VGLL3: variants seen among roughly 807,000 people sequenced by gnomAD.
VGLL3 encodes the protein transcription cofactor vestigial-like protein 3.
In VGLL3, 18 loss-of-function variants were observed where a neutral mutation model predicts 29.2. The ratio of observed to expected loss-of-function variants is 0.62; its 90% confidence interval spans 0.43 to 0.91. The LOEUF (loss-of-function observed/expected upper bound fraction) is 0.91, where lower values mean the gene tolerates loss of function less well. VGLL3 is among the 40% of genes least tolerant of loss of function. VGLL3 has a pLI of 0.00. For missense variants in VGLL3, 440 were observed against 413.2 expected, an observed-to-expected ratio of 1.06 and a Z score of -0.56; for synonymous variants, 180 against 151.8, an observed-to-expected ratio of 1.19 and a Z score of -1.36.
At chr3:86,982,901 T>C (rs1277692161) in intron 1 of VGLL3, among the ~76,000 whole-genome samples, 2 of 152,180 alleles carry the variant, frequency 1.3e-5, no homozygotes, top group Non-Finnish European at 2.9e-5. Context: ...GGGTTAATAG[T>C]TATAAAGTTA....
chr3:86,945,757 T>C lies in VGLL3; in HGVS notation c.*1267A>G, dbSNP rs1005345300. The C allele has an allele frequency of 1.3e-5, 2 of 152,166 alleles. No individual in the cohort carries two copies. The highest frequency in any genetic ancestry group is 4.8e-5 in the African/African-American group (2 of 41,458). The allele number at this position is 152,166 out of a possible 1,614,324, so 9.4% of individuals were successfully genotyped here. ...TCCTAATATACACTTTATTTTGCCC[T>C]AAATTTCTTTCTAAAAAGGAATTAA... On this transcript the variant is annotated 3_prime_UTR_variant, in exon 4 of 4. Coordinates refer to ENST00000398399, the MANE Select transcript of VGLL3 (RefSeq NM_016206.4).
chr3:86,948,031 T>C (rs1704541380), intron 3 of VGLL3, among the ~76,000 whole-genome samples: 1 of 152,150 alleles, frequency 6.6e-6, no homozygotes, highest in Admixed American at 6.5e-5. Flanking sequence ...ACGAGATACT[T>C]TGATGAACTT....
chr3:86,954,531 G>A (rs191367217), intron 3 of VGLL3, among the ~76,000 whole-genome samples: 1 of 152,172 alleles, frequency 6.6e-6, no homozygotes, highest in Non-Finnish European at 1.5e-5. Flanking sequence ...AGTACTTAAA[G>A]CATCAGGATA....
intron 1 of VGLL3, among the ~76,000 whole-genome samples, chr3:86,985,812 A>G (rs1705428166): frequency 6.6e-6 from 1 of 152,194 alleles, no homozygotes; most frequent in African/African-American, 2.4e-5. Context: ...CTAACATATT[A>G]TCTATTACAA....
intron 2 of VGLL3, among the ~76,000 whole-genome samples, chr3:86,969,843 C>T (rs1256462312): frequency 6.6e-6 from 1 of 151,904 alleles, no homozygotes; most frequent in African/African-American, 2.4e-5. Flanking sequence ...AGTTTCATTC[C>T]AGGCCTATGG....
At chr3:86,984,409 CA>C (rs1363381451) in intron 1 of VGLL3, among the ~76,000 whole-genome samples, 2 of 152,036 alleles carry the variant, frequency 1.3e-5, no homozygotes, top group African/African-American at 4.8e-5. Flanking sequence ...TTGACATTAT[CA>C]AAAAATCAAA....
intron 1 of VGLL3, among the ~76,000 whole-genome samples, chr3:86,980,192 A>G (rs1705295686): frequency 6.6e-6 from 1 of 151,878 alleles, no homozygotes; most frequent in African/African-American, 2.4e-5. Flanking sequence ...AAATAGATAA[A>G]TCACTCCAGA....
chr3:86,987,728 T>C (rs144046168), intron 1 of VGLL3, among the ~76,000 whole-genome samples: 11 of 152,320 alleles, frequency 7.2e-5, no homozygotes, highest in African/African-American at 2.6e-4. Flanking sequence ...CAATAAAATG[T>C]ATACTTTGCA....
rs1443007442 is a variant in VGLL3, at chr3:86,945,481, C to G, written c.*1543G>C. The G allele has an allele frequency of 6.6e-6, 1 of 152,104 alleles. No individual in the cohort carries two copies. Among genetic ancestry groups the G allele is most frequent in the African/African-American group, 2.4e-5 (1 of 41,428 alleles). The allele number at this position is 152,104 out of a possible 1,614,324, so 9.4% of individuals were successfully genotyped here. On this transcript the variant is annotated 3_prime_UTR_variant, in exon 4 of 4. Transcript: ENST00000398399. ...AAAGCTAAAAAACTTCTCTAATACACTAACTTTTTTACATGACATCTCTGG... is the reference window on the plus strand; with the variant it reads ...AAAGCTAAAAAACTTCTCTAATACAGTAACTTTTTTACATGACATCTCTGG...
chr3:86,949,830 A>G (rs1383168284), intron 3 of VGLL3, among the ~76,000 whole-genome samples: 1 of 150,940 alleles, frequency 6.6e-6, no homozygotes, highest in African/African-American at 2.4e-5. Flanking sequence ...CCATCTCAAA[A>G]AAAAAAAAAA....
At position 86,990,989 on chromosome 3, in the gene VGLL3, C is replaced by T. The variant is rs1327382990; in HGVS notation, c.-246G>A. 4.1e-6 allele frequency: 4 copies of T among 985,058 alleles called. No individual in the cohort carries two copies. The allele number at this position is 985,058 out of a possible 1,614,324, so 61.0% of individuals were successfully genotyped here. A position where few individuals can be genotyped will look rare whatever the true frequency, so the allele number is the denominator to read the frequency against. ...GCCCCTCCGGATGTTCCCTGCCGCGCTTATATAGCGGCTCAGGGACGCAGC... is the reference window on the plus strand; with the variant it reads ...GCCCCTCCGGATGTTCCCTGCCGCGTTTATATAGCGGCTCAGGGACGCAGC... On this transcript the variant is annotated 5_prime_UTR_variant, in exon 1 of 4. Coordinates refer to ENST00000398399, the MANE Select transcript of VGLL3 (RefSeq NM_016206.4).
At chr3:86,978,402 G>T in intron 2 of VGLL3, 124 bp downstream of exon 2, 2 of 1,125,540 alleles carry the variant, frequency 1.8e-6, no homozygotes, top group Non-Finnish European at 2.5e-6. Flanking sequence ...ATTCCTCACT[G>T]TCCTTAAATA....
At chr3:86,961,031 T>C (rs111645207) in intron 3 of VGLL3, among the ~76,000 whole-genome samples, 106 of 151,444 alleles carry the variant, frequency 7.0e-4, no homozygotes, top group African/African-American at 2.4e-3. Flanking sequence ...AAAAAGTATA[T>C]GAATACCTCA....
chr3:86,979,145 T>A (rs934822539), intron 1 of VGLL3, among the ~76,000 whole-genome samples: 1 of 152,240 alleles, frequency 6.6e-6, no homozygotes, highest in African/African-American at 2.4e-5. Context: ...ATTACTTTTT[T>A]AAAAAGTTTT....
intron 1 of VGLL3, among the ~76,000 whole-genome samples, chr3:86,980,550 C>T (rs1183481961): frequency 6.6e-6 from 1 of 152,008 alleles, no homozygotes; most frequent in Non-Finnish European, 1.5e-5. Flanking sequence ...TTTTATTTCT[C>T]ATAATCTACC....
At chr3:86,954,135 G>T (rs148112749) in intron 3 of VGLL3, among the ~76,000 whole-genome samples, 14 of 152,170 alleles carry the variant, frequency 9.2e-5, no homozygotes, top group Non-Finnish European at 1.9e-4. Context: ...TAGTAGTATT[G>T]TCAGAAACAA....
At chr3:86,969,265 G>T in intron 2 of VGLL3, 142 bp from the exon 3 acceptor site, 1 of 1,073,052 alleles carries the variant, frequency 9.3e-7, no homozygotes, top group Non-Finnish European at 1.3e-6. Context: ...CCCAAACAGG[G>T]GTGAATTGAT....
In VGLL3 at chr3:86,990,896, G is replaced by A. The variant is rs1705572442; in HGVS notation, c.-153C>T. The A allele has an allele frequency of 8.9e-7, 1 of 1,122,564 alleles. No individual in the cohort carries two copies. Among genetic ancestry groups the A allele is most frequent in the Non-Finnish European group, 1.1e-6 (1 of 912,764 alleles). 69.5% of individuals were successfully genotyped at this position (1,122,564 alleles called of 1,614,324 possible). A position where few individuals can be genotyped will look rare whatever the true frequency, so the allele number is the denominator to read the frequency against. Reference sequence around the variant, plus strand: ...CGGGTCCTCGGCGGCCTCGGGCTCCGCGCGGGGCGCGGGGTCGGGAGGGAC... The same window carrying A: ...CGGGTCCTCGGCGGCCTCGGGCTCCACGCGGGGCGCGGGGTCGGGAGGGAC... On this transcript the variant is annotated 5_prime_UTR_variant, in exon 1 of 4. Coordinates refer to ENST00000398399, the MANE Select transcript of VGLL3 (RefSeq NM_016206.4).
At chr3:86,969,847 C>T (rs912000332) in intron 2 of VGLL3, among the ~76,000 whole-genome samples, 1 of 151,946 alleles carries the variant, frequency 6.6e-6, no homozygotes, top group Non-Finnish European at 1.5e-5. Flanking sequence ...TCATTCCAGG[C>T]CTATGGGGTA....
Sources: allele counts gnomAD v4.1 joint callset (sites outside exome capture counted in the v4.1 genomes callset), GRCh38; gene constraint gnomAD v4.1.1; transcripts MANE v1.5; gene names NCBI Gene and HGNC (gene_info 2026-07-23, HGNC 2026-07-21).